ATP9B: variants seen among roughly 807,000 people sequenced by gnomAD.
ATP9B encodes probable phospholipid-transporting ATPase IIB.
Under a neutral mutation model 146.1 loss-of-function variants are expected in ATP9B, and 110 were observed. The observed-to-expected ratio is 0.75, with a 90% CI of 0.65 to 0.88. The LOEUF (loss-of-function observed/expected upper bound fraction) is 0.88. ATP9B is among the 40% of genes least tolerant of loss of function. ATP9B has a pLI of 0.00. For missense variants in ATP9B, 1,499 were observed against 1,496.4 expected, an observed-to-expected ratio of 1.00 and a Z score of -0.03; for synonymous variants, 604 against 569.7, an observed-to-expected ratio of 1.06 and a Z score of -0.86.
At chr18:79,304,187 G>A (rs912745036) in intron 14 of ATP9B, among the ~76,000 whole-genome samples, 2 of 152,044 alleles carry the variant, frequency 1.3e-5, no homozygotes, top group Non-Finnish European at 2.9e-5. Flanking sequence ...CCCAGGTGGT[G>A]ATGTTTCATC....
chr18:79,262,084 C>G (rs2096148075), intron 12 of ATP9B, among the ~76,000 whole-genome samples: 1 of 152,066 alleles, frequency 6.6e-6, no homozygotes, highest in African/African-American at 2.4e-5. Context: ...GCAGCTCAGT[C>G]CTCAGCGTCT....
intron 9 of ATP9B, 131 bp downstream of exon 9, chr18:79,193,394 A>G: frequency 1.3e-6 from 1 of 755,964 alleles, no homozygotes; most frequent in African/African-American, 1.8e-5. Flanking sequence ...AAACCTATAT[A>G]ATGTTTGAAG....
At chr18:79,256,071 T>A (rs1182501536) in intron 12 of ATP9B, among the ~76,000 whole-genome samples, 2 of 151,322 alleles carry the variant, frequency 1.3e-5, no homozygotes, top group East Asian at 1.9e-4. Flanking sequence ...AAATATATAT[T>A]TTTTTACATG....
intron 1 of ATP9B, among the ~76,000 whole-genome samples, chr18:79,073,205 C>T (rs566320293): frequency 1.3e-5 from 2 of 152,296 alleles, no homozygotes; most frequent in South Asian, 4.1e-4. Context: ...GGCAGAGACG[C>T]TCCTCACTTC....
chr18:79,171,087 G>A (rs1408763154), intron 7 of ATP9B, among the ~76,000 whole-genome samples: 1 of 152,082 alleles, frequency 6.6e-6, no homozygotes, highest in Non-Finnish European at 1.5e-5. Flanking sequence ...TCCCCCTATA[G>A]TGTTAAGTAA....
At chr18:79,103,774 T>TC (rs2075456684) in intron 2 of ATP9B, among the ~76,000 whole-genome samples, 1 of 152,064 alleles carries the variant, frequency 6.6e-6, no homozygotes, top group Non-Finnish European at 1.5e-5. Flanking sequence ...TGGTGATGAG[T>TC]CCATCAGGGA....
intron 15 of ATP9B, among the ~76,000 whole-genome samples, chr18:79,311,221 C>A (rs1350042245): frequency 2.0e-5 from 3 of 152,152 alleles, no homozygotes; most frequent in African/African-American, 7.2e-5. Flanking sequence ...AAGGTTACAC[C>A]CCACAATTGA....
chr18:79,289,348 A>G (rs976205259), intron 13 of ATP9B, among the ~76,000 whole-genome samples: 34 of 151,780 alleles, frequency 2.2e-4, no homozygotes, highest in African/African-American at 8.2e-4. Flanking sequence ...TTCCCTTCTC[A>G]CTTCATTTCA....
chr18:79,096,106 G>A (rs1378540860), intron 1 of ATP9B, among the ~76,000 whole-genome samples: 1 of 152,166 alleles, frequency 6.6e-6, no homozygotes, highest in African/African-American at 2.4e-5. Context: ...ATGTTGCTTG[G>A]AGTGAACATT....
chr18:79,225,894 G>A lies in ATP9B; in HGVS notation c.1107+11856G>A, dbSNP rs186283217. ...GTCTTCAGCGTCTGAGTGACTGTTGGGTCCCGCAGTTGCAGGGCGGCCACT... is the reference window on the plus strand; with the variant it reads ...GTCTTCAGCGTCTGAGTGACTGTTGAGTCCCGCAGTTGCAGGGCGGCCACT... On this transcript the variant is annotated intron_variant, in intron 11 of 29. Coordinates refer to ENST00000426216, the MANE Select transcript of ATP9B (RefSeq NM_198531.5). Among the ~76,000 whole-genome samples, 3 of 115,126 alleles carry A rather than the reference G, an allele frequency of 2.6e-5. 1 individual carries two copies. Among genetic ancestry groups the A allele is most frequent in the Non-Finnish European group, 5.9e-5 (3 of 50,522 alleles). The allele number at this position is 115,126 out of a possible 152,430, so 75.5% of individuals were successfully genotyped here.
intron 26 of ATP9B, chr18:79,361,724 G>T (rs2057455274): frequency 2.0e-6 from 2 of 979,144 alleles, no homozygotes; most frequent in Non-Finnish European, 2.4e-6. Flanking sequence ...GAAGCTTTCT[G>T]TTCCTTCTGA....
In ATP9B at chr18:79,255,895, A is replaced by G. The variant is rs1477692345; in HGVS notation, c.1268+2354A>G. Among the ~76,000 whole-genome samples the G allele has an allele frequency of 2.0e-5, 3 of 152,124 alleles. No individual in the cohort carries two copies. The East Asian group carries it at 5.8e-4, about 29-fold the overall frequency. On this transcript the variant is annotated intron_variant, in intron 12 of 29. Transcript: ENST00000426216. ...CTTCTGAGATACTGCTTTTTGGGTT[A>G]TATTAGGTTATGCATTCATTTTTAT...
intron 11 of ATP9B, among the ~76,000 whole-genome samples, chr18:79,230,214 A>G (rs2095777801): frequency 6.6e-6 from 1 of 152,234 alleles, no homozygotes; most frequent in Non-Finnish European, 1.5e-5. Context: ...AGTCCTAGCC[A>G]CAGCAATCGG....
At chr18:79,228,299 C>T (rs2095755897) in intron 11 of ATP9B, among the ~76,000 whole-genome samples, 2 of 152,198 alleles carry the variant, frequency 1.3e-5, no homozygotes, top group Admixed American at 6.5e-5. Flanking sequence ...GTGAGAGAGC[C>T]TTTATCTTTC....
chr18:79,079,968 G>A (rs972600103), intron 1 of ATP9B, among the ~76,000 whole-genome samples: 8 of 152,070 alleles, frequency 5.3e-5, no homozygotes, highest in Non-Finnish European at 8.8e-5. Context: ...GATGTGTGGC[G>A]TTATTTCTGA....
intron 1 of ATP9B, among the ~76,000 whole-genome samples, chr18:79,074,875 C>G (rs188359694): frequency 6.6e-6 from 1 of 152,316 alleles, no homozygotes; most frequent in Non-Finnish European, 1.5e-5. Context: ...TTTATTTTAT[C>G]GTGGTAACAT....
intron 2 of ATP9B, among the ~76,000 whole-genome samples, chr18:79,108,134 C>T (rs955330770): frequency 2.6e-5 from 4 of 152,008 alleles, no homozygotes; most frequent in African/African-American, 7.3e-5. Flanking sequence ...TGGGGGAAGG[C>T]GACTCAGAGT....
rs58315954 is a variant in ATP9B, at chr18:79,310,787, G to GTTT, written c.1773+3560_1773+3562dup. On this transcript the variant is annotated intron_variant, in intron 15 of 29. Coordinates refer to ENST00000426216, the MANE Select transcript of ATP9B (RefSeq NM_198531.5). ...CTGTACATCAGGCAGACTTCCAGGGGTTTTTTTTTGTTTCCTTTTTAAAAA... is the reference window on the plus strand; with the variant it reads ...CTGTACATCAGGCAGACTTCCAGGGGTTTTTTTTTTTTGTTTCCTTTTTAAAAA... Among the ~76,000 whole-genome samples the GTTT allele has an allele frequency of 1.3e-3, 190 of 151,260 alleles. 1 individual carries two copies. Among genetic ancestry groups the GTTT allele is most frequent in the Admixed American group, 2.4e-3 (37 of 15,212 alleles).
intron 13 of ATP9B, among the ~76,000 whole-genome samples, chr18:79,302,959 T>C (rs1403838886): frequency 6.6e-6 from 1 of 152,226 alleles, no homozygotes; most frequent in African/African-American, 2.4e-5. Flanking sequence ...TGACTCAGTT[T>C]TCTAGTTTTA....
Sources: allele counts gnomAD v4.1 joint callset (sites outside exome capture counted in the v4.1 genomes callset), GRCh38; gene constraint gnomAD v4.1.1; transcripts MANE v1.5; gene names NCBI Gene and HGNC (gene_info 2026-07-23, HGNC 2026-07-21).